Variants in SLC67A1 observed in about 807,000 individuals in gnomAD.
SLC67A1 encodes the protein solute carrier family 67 member A1.
the SLC67A1 span, among the ~76,000 whole-genome samples, chr11:2,910,226 A>G: frequency 6.6e-6 from 1 of 151,974 alleles, no homozygotes; most frequent in African/African-American, 2.4e-5. Flanking sequence ...TGTGAGCAGG[A>G]GGTGGAGTGG....
At chr11:2,908,240 C>T in the SLC67A1 span, 1 of 1,613,386 alleles carries the variant, frequency 6.2e-7, no homozygotes, top group Non-Finnish European at 8.5e-7. Flanking sequence ...CAGTACCTGT[C>T]TCGGAAACTG....
chr11:2,909,756 C>T, the SLC67A1 span: 9 of 1,411,756 alleles, frequency 6.4e-6, no homozygotes, highest in African/African-American at 1.2e-4. Flanking sequence ...AGGACGCCCG[C>T]GGCTGGGTCG....
At chr11:2,919,292 C>T in the SLC67A1 span, 2 of 1,602,242 alleles carry the variant, frequency 1.2e-6, no homozygotes, top group African/African-American at 2.7e-5. Context: ...CCCCTGTTCC[C>T]CTGCCCCGGC....
chr11:2,916,934 G>A, the SLC67A1 span: 6 of 578,288 alleles, frequency 1.0e-5, no homozygotes, highest in South Asian at 7.1e-5. Flanking sequence ...ATGAAGAGGT[G>A]GAAGTGGGGC....
chr11:2,918,010 C>A, the SLC67A1 span: 1 of 1,613,312 alleles, frequency 6.2e-7, no homozygotes, highest in African/African-American at 1.3e-5. Context: ...CCAGTGTGTT[C>A]GACCTGAAGG....
chr11:2,905,173 G>A, the SLC67A1 span, among the ~76,000 whole-genome samples: 1 of 152,186 alleles, frequency 6.6e-6, no homozygotes, highest in African/African-American at 2.4e-5. Context: ...AGAGGCTCTG[G>A]GGCCCTGCAG....
chr11:2,902,615 T>A, the SLC67A1 span: 1 of 985,448 alleles, frequency 1.0e-6, no homozygotes, highest in Non-Finnish European at 1.2e-6. Context: ...CAGCTGTTAA[T>A]GTGGCAAAAT....
At chr11:2,903,339 G>C in the SLC67A1 span, 8 of 1,612,488 alleles carry the variant, frequency 5.0e-6, no homozygotes, top group Non-Finnish European at 5.9e-6. Context: ...TGCTGCGCCT[G>C]TCCAGGATGC....
At chr11:2,900,447 C>T in the SLC67A1 span, among the ~76,000 whole-genome samples, 1 of 151,462 alleles carries the variant, frequency 6.6e-6, no homozygotes, top group Non-Finnish European at 1.5e-5. Context: ...AATCCCAGCA[C>T]TTTGGGAGGC....
chr11:2,916,893 T>C, the SLC67A1 span: 1 of 650,042 alleles, frequency 1.5e-6, no homozygotes, highest in Non-Finnish European at 2.7e-6. Flanking sequence ...TCCCAGCTGC[T>C]GACATCATAG....
At chr11:2,914,987 C>G in the SLC67A1 span, 5 of 985,432 alleles carry the variant, frequency 5.1e-6, no homozygotes, top group Non-Finnish European at 6.0e-6. Flanking sequence ...CCCATTCGTG[C>G]GGAACCCCAG....
At chr11:2,903,702 A>G in the SLC67A1 span, 1 of 602,500 alleles carries the variant, frequency 1.7e-6, no homozygotes, top group Admixed American at 3.0e-5. Flanking sequence ...CTTCAGTGCC[A>G]GCCCCGGGAG....
chr11:2,903,596 GCCAGGGCCCCTC>G, the SLC67A1 span: 1 of 1,287,654 alleles, frequency 7.8e-7, no homozygotes, highest in Admixed American at 2.0e-5. Flanking sequence ...GTTTCATGCT[GCCAGGGCCCCTC>G]CCAGTTGGGA....
the SLC67A1 span, chr11:2,909,342 T>C: frequency 5.9e-6 from 9 of 1,515,496 alleles, no homozygotes; most frequent in Admixed American, 8.2e-5. Context: ...GGAGCGCTCA[T>C]GCACACGCTG....
chr11:2,923,531 C>T, the SLC67A1 span, among the ~76,000 whole-genome samples: 12 of 152,292 alleles, frequency 7.9e-5, no homozygotes, highest in Non-Finnish European at 1.2e-4. This position sits in a 1 kb window ranked among gnomAD's most constrained non-coding sequence, Gnocchi z 6.5. Flanking sequence ...TCTAGAGGCC[C>T]GGATGTGGCC....
the SLC67A1 span, among the ~76,000 whole-genome samples, chr11:2,912,667 C>A: frequency 5.3e-5 from 8 of 152,166 alleles, no homozygotes; most frequent in Admixed American, 1.3e-4. Context: ...TTGGGCCCAG[C>A]CTCCAGAGCC....
the SLC67A1 span, chr11:2,909,677 C>T: frequency 9.7e-6 from 15 of 1,542,496 alleles, no homozygotes; most frequent in South Asian, 3.6e-5. Flanking sequence ...ATCCTCGGCT[C>T]CCTGCTGGGC....
chr11:2,903,382 T>G, the SLC67A1 span: 24 of 1,612,930 alleles, frequency 1.5e-5, no homozygotes, highest in Non-Finnish European at 2.0e-5. Flanking sequence ...CCAGGGCCGG[T>G]CCCCCGGCAG....
the SLC67A1 span, chr11:2,922,613 G>A: frequency 1.3e-6 from 2 of 1,571,896 alleles, no homozygotes; most frequent in Non-Finnish European, 1.7e-6. Context: ...GAGCTACCCG[G>A]TGGGGATGGG....
Sources: allele counts gnomAD v4.1 joint callset (sites outside exome capture counted in the v4.1 genomes callset), GRCh38; gene constraint gnomAD v4.1.1; non-coding constraint Gnocchi (gnomAD v3.1); transcripts MANE v1.5; gene names NCBI Gene and HGNC (gene_info 2026-07-23, HGNC 2026-07-21).